Variants in TRDN observed in about 807,000 individuals in gnomAD.
TRDN encodes triadin in skeletal muscle.
A neutral mutation model predicts 149.7 loss-of-function variants in TRDN; 161 were observed. The ratio of observed to expected loss-of-function variants is 1.08; its 90% CI spans 0.95 to 1.23. The LOEUF (loss-of-function observed/expected upper bound fraction) is 1.23, where lower values mean the gene tolerates loss of function less well. Among genes scored for constraint, TRDN ranks in the 50% most tolerant of loss-of-function variants. TRDN has a pLI of 0.00. For missense variants in TRDN, 896 were observed against 823.5 expected (o/e 1.09, Z -1.08); for synonymous variants, 294 against 250.5 (o/e 1.17, Z -1.64).
At chr6:123,582,919 T>A (rs554833269) in intron 1 of TRDN, among the ~76,000 whole-genome samples, 19 of 151,884 alleles carry the variant, frequency 1.3e-4, no homozygotes, top group African/African-American at 4.6e-4. Flanking sequence ...GATTTTGTGG[T>A]AAGGGGTGAT....
chr6:123,578,207 C>T (rs1782948542), intron 1 of TRDN, among the ~76,000 whole-genome samples: 1 of 152,096 alleles, frequency 6.6e-6, no homozygotes, highest in African/African-American at 2.4e-5. Context: ...AATCTTTGCC[C>T]ATTCCTATGT....
rs1786356017 is a variant in TRDN, at chr6:123,636,924, T to C, written c.-149A>G. The C allele has an allele frequency of 1.2e-6, 1 of 868,386 alleles. No individual in the cohort carries two copies. The highest frequency in any genetic ancestry group is 1.8e-6 in the Non-Finnish European group (1 of 544,130). The allele number at this position is 868,386 out of a possible 1,614,324, so 53.8% of individuals were successfully genotyped here. ...CTGGCTGTTTCTGCTGCTTCTTTGTTGTCCTGTTGAACTTTGCCTCTCCTC... is the reference window on the plus strand; with the variant it reads ...CTGGCTGTTTCTGCTGCTTCTTTGTCGTCCTGTTGAACTTTGCCTCTCCTC... On this transcript the variant is annotated 5_prime_UTR_variant, in exon 1 of 41. Coordinates refer to ENST00000334268, the MANE Select transcript of TRDN (RefSeq NM_006073.4).
At chr6:123,400,267 A>C (rs1003710085) in intron 12 of TRDN, among the ~76,000 whole-genome samples, 14 of 150,886 alleles carry the variant, frequency 9.3e-5, no homozygotes, top group Admixed American at 6.6e-4. Flanking sequence ...TTAAAATTTC[A>C]ATTTTAAAAA....
At chr6:123,306,355 G>A (rs1778611314) in intron 24 of TRDN, among the ~76,000 whole-genome samples, 1 of 152,072 alleles carries the variant, frequency 6.6e-6, no homozygotes, top group Non-Finnish European at 1.5e-5. Flanking sequence ...GGATAATTAA[G>A]CCTAACTGTA....
At chr6:123,366,466 T>C (rs1781104010) in intron 19 of TRDN, among the ~76,000 whole-genome samples, 1 of 152,176 alleles carries the variant, frequency 6.6e-6, no homozygotes, top group African/African-American at 2.4e-5. Context: ...TTTAGATCAA[T>C]AGTTCTTAAA....
chr6:123,429,151 T>C (rs1357566037), intron 12 of TRDN: 1 of 152,146 alleles, frequency 6.6e-6, no homozygotes, highest in Admixed American at 6.6e-5. Context: ...CAAAGTGCTT[T>C]TGGGTCCCAA....
chr6:123,437,985 G>T, intron 12 of TRDN, 78 bp downstream of exon 12: 2 of 1,231,314 alleles, frequency 1.6e-6, no homozygotes, highest in Non-Finnish European at 2.3e-6. Flanking sequence ...TGCAATTTGT[G>T]TATGTTGCAT....
intron 37 of TRDN, chr6:123,254,868 G>T: frequency 4.6e-6 from 2 of 431,614 alleles, no homozygotes; most frequent in South Asian, 5.0e-5. Flanking sequence ...TCATGTTAAT[G>T]TTGCTAATAG....
intron 21 of TRDN, chr6:123,351,454 A>C: frequency 1.0e-6 from 1 of 984,732 alleles, no homozygotes; most frequent in Non-Finnish European, 1.2e-6. Context: ...TCTTCTTCAA[A>C]AAGAAACCAA....
chr6:123,308,680 T>A (rs1778704609), intron 24 of TRDN, among the ~76,000 whole-genome samples: 1 of 152,024 alleles, frequency 6.6e-6, no homozygotes, highest in Non-Finnish European at 1.5e-5. Flanking sequence ...TTGCAACTTC[T>A]AGTTAATCAC....
intron 33 of TRDN, among the ~76,000 whole-genome samples, chr6:123,264,522 G>A (rs1391431724): frequency 6.6e-6 from 1 of 152,020 alleles, no homozygotes; most frequent in East Asian, 1.9e-4. Flanking sequence ...TGTGAACATC[G>A]TCAAAATCAC....
At chr6:123,345,192 T>C (rs1046350111) in intron 21 of TRDN, among the ~76,000 whole-genome samples, 1 of 152,066 alleles carries the variant, frequency 6.6e-6, no homozygotes, top group African/African-American at 2.4e-5. Flanking sequence ...TTTAGGTCTA[T>C]GATCCACTTT....
chr6:123,231,593 C>A (rs1487021635), intron 38 of TRDN, among the ~76,000 whole-genome samples: 2 of 151,930 alleles, frequency 1.3e-5, no homozygotes, highest in Non-Finnish European at 2.9e-5. Flanking sequence ...AGGCCCTAGA[C>A]TCCTGGGCTT....
chr6:123,497,726 G>A (rs9320939), intron 8 of TRDN, among the ~76,000 whole-genome samples: 65,420 of 151,914 alleles, frequency 0.43, 14,544 homozygotes, highest in Admixed American at 0.51. Flanking sequence ...TTTTCCAAAA[G>A]ACTATCAGGA....
intron 1 of TRDN, among the ~76,000 whole-genome samples, chr6:123,597,792 ATAATG>A (rs1784104447): frequency 6.6e-6 from 1 of 152,114 alleles, no homozygotes; most frequent in Admixed American, 6.6e-5. Flanking sequence ...ATTTTTAGAC[ATAATG>A]TAATTATATA....
chr6:123,350,476 A>T, intron 21 of TRDN: 2 of 552,378 alleles, frequency 3.6e-6, no homozygotes, highest in Non-Finnish European at 4.6e-6. Flanking sequence ...TGAATTATAA[A>T]CTAATAGATT....
At chr6:123,497,082 A>G in intron 9 of TRDN, 111 bp downstream of exon 9, 1 of 746,492 alleles carries the variant, frequency 1.3e-6, no homozygotes, top group Non-Finnish European at 2.1e-6. Context: ...AGATCTACAC[A>G]TGCATTATGC....
At chr6:123,281,999 G>A (rs544416117) in intron 24 of TRDN, among the ~76,000 whole-genome samples, 1 of 152,046 alleles carries the variant, frequency 6.6e-6, no homozygotes, top group East Asian at 1.9e-4. Context: ...AAGTTAAGAT[G>A]AGATCATTAT....
At chr6:123,476,140 G>C (rs374239185) in intron 9 of TRDN, among the ~76,000 whole-genome samples, 1 of 120,026 alleles carries the variant, frequency 8.3e-6, no homozygotes, top group Non-Finnish European at 1.8e-5. Context: ...CAGATGACAT[G>C]ATTGTATATC....
Sources: gnomAD v4.1 joint callset for allele counts (sites outside exome capture counted in the v4.1 genomes callset) on GRCh38, gnomAD v4.1.1 for gene constraint, MANE v1.5 for transcripts, NCBI Gene and HGNC (gene_info 2026-07-23, HGNC 2026-07-21) for gene names.